The following SORCS1 variants were observed in gnomAD, a reference collection of about 807,000 sequenced individuals.
The protein encoded by SORCS1 is sortilin related VPS10 domain containing receptor 1.
A neutral mutation model predicts 146.1 loss-of-function variants in SORCS1; 60 were observed. The ratio of observed to expected loss-of-function variants is 0.41; its 90% CI spans 0.33 to 0.51. SORCS1 has a LOEUF of 0.51. Ranked by LOEUF, SORCS1 falls within the 20% of genes least tolerant of loss-of-function variation. SORCS1 has a pLI of 0.21. For missense variants in SORCS1, 1,352 were observed against 1,487.6 expected, an observed-to-expected ratio of 0.91 and a Z score of 1.50; for synonymous variants, 637 against 584.0, an observed-to-expected ratio of 1.09 and a Z score of -1.31.
At chr10:107,031,655 G>C (rs541003083) in intron 1 of SORCS1, among the ~76,000 whole-genome samples, 55 of 151,568 alleles carry the variant, frequency 3.6e-4, no homozygotes, top group Non-Finnish European at 6.8e-4. Flanking sequence ...CCAGGCTGGA[G>C]TGTAGTGACA....
In SORCS1 at chr10:106,867,203, C is replaced by T. The variant is rs533838813; in HGVS notation, c.627-37530G>A. On this transcript the variant is annotated intron_variant, in intron 2 of 25. Coordinates refer to ENST00000263054, the MANE Select transcript of SORCS1 (RefSeq NM_052918.5). ...GCAGCCAGAGAAAAAAGGTAGGTCA[C>T]CTACAAAGGGAATCCCATGAGGCTA... 1.3e-4 allele frequency among the ~76,000 whole-genome samples: 20 copies of T among 152,142 alleles called. No individual in the cohort carries two copies. The South Asian group carries it at 2.1e-3, about 16-fold the overall frequency.
At chr10:106,986,280 T>C (rs2139408847) in intron 1 of SORCS1, among the ~76,000 whole-genome samples, 1 of 152,104 alleles carries the variant, frequency 6.6e-6, no homozygotes, top group Middle Eastern at 3.4e-3. Context: ...ACAGCAAATA[T>C]ATATACAAAC....
intron 1 of SORCS1, among the ~76,000 whole-genome samples, chr10:106,989,126 T>C (rs985776188): frequency 6.7e-6 from 1 of 148,510 alleles, no homozygotes; most frequent in East Asian, 2.0e-4. Context: ...AAAAATTAGC[T>C]GGTCGTGGTG....
At chr10:106,963,292 T>A (rs1434855831) in intron 1 of SORCS1, among the ~76,000 whole-genome samples, 1 of 151,814 alleles carries the variant, frequency 6.6e-6, no homozygotes, top group Non-Finnish European at 1.5e-5. Flanking sequence ...ACTTTCCGTA[T>A]TTTTAGTAGA....
rs1208520786 is a variant in SORCS1, at chr10:106,667,335, A to G, written c.2303+354T>C. ...TATAAAACAGAAAATGCAAATATTA[A>G]ATATCTATTTGGCCTTCCTCATCAT... On this transcript the variant is annotated intron_variant, in intron 17 of 25. Transcript: ENST00000263054. 5 of 191,154 alleles carry G rather than the reference A, an allele frequency of 2.6e-5. No homozygotes were observed. In the Admixed American group the frequency reaches 2.7e-4, roughly 10 times the overall value. The allele number at this position is 191,154 out of a possible 1,614,324, so 11.8% of individuals were successfully genotyped here. A position where few individuals can be genotyped will look rare whatever the true frequency, so the allele number is the denominator to read the frequency against.
At chr10:106,975,937 C>T (rs1176399884) in intron 1 of SORCS1, among the ~76,000 whole-genome samples, 1 of 152,112 alleles carries the variant, frequency 6.6e-6, no homozygotes, top group African/African-American at 2.4e-5. Flanking sequence ...CACCTGAGGT[C>T]AGGAGTTCAA....
Position 106,925,476 on chromosome 10 carries a change from T to C in SORCS1, c.626+31037A>G, listed in dbSNP as rs114263532. ...AGCTTGAAATACAGAGGCTAAGAGG[T>C]GGCCCCTCCTGATGGTCTCAAGCTT... On this transcript the variant is annotated intron_variant, in intron 2 of 25. Transcript: ENST00000263054. 5.8e-3 allele frequency among the ~76,000 whole-genome samples: 886 copies of C among 152,262 alleles called. 11 individuals are homozygous for C. Among genetic ancestry groups the C allele is most frequent in the African/African-American group, 0.021 (855 of 41,564 alleles).
chr10:106,874,781 T>C (rs1279358525), intron 2 of SORCS1, among the ~76,000 whole-genome samples: 1 of 152,142 alleles, frequency 6.6e-6, no homozygotes, highest in African/African-American at 2.4e-5. Context: ...CGGTGATGAC[T>C]AGAAAGAGGC....
In SORCS1 at chr10:107,060,955, A is replaced by C. The variant is rs1011676040; in HGVS notation, c.558+103014T>G. ...AAATATCTTTTCCCTTTCTCTTTCC[A>C]AGTTAAATAAAAAAATTTATCTTCT... On this transcript the variant is annotated intron_variant, in intron 1 of 25. Coordinates refer to ENST00000263054, the MANE Select transcript of SORCS1 (RefSeq NM_052918.5). The surrounding 1 kb of genome is among the most constrained non-coding windows in gnomAD (Gnocchi z 4.1). Among the ~76,000 whole-genome samples the C allele has an allele frequency of 2.0e-5, 3 of 152,158 alleles. No individual in the cohort carries two copies. Among genetic ancestry groups the C allele is most frequent in the Non-Finnish European group, 4.4e-5 (3 of 68,032 alleles).
chr10:107,001,817 T>C (rs1006107716), intron 1 of SORCS1, among the ~76,000 whole-genome samples: 6 of 152,244 alleles, frequency 3.9e-5, no homozygotes, highest in African/African-American at 1.4e-4. Flanking sequence ...AACAGCTATT[T>C]ATTAAGCATC....
At chr10:106,801,532 T>G (rs1946873347) in intron 3 of SORCS1, among the ~76,000 whole-genome samples, 1 of 147,450 alleles carries the variant, frequency 6.8e-6, no homozygotes, top group Admixed American at 6.7e-5. Flanking sequence ...CCATTTTTTT[T>G]TTTTTTTTTT....
intron 17 of SORCS1, among the ~76,000 whole-genome samples, chr10:106,660,297 A>G (rs1850628246): frequency 2.0e-5 from 3 of 152,330 alleles, no homozygotes; most frequent in Middle Eastern, 6.8e-3. Context: ...ATACATATTT[A>G]TAAGGTACAG....
chr10:106,923,054 C>A (rs12360421), intron 2 of SORCS1, among the ~76,000 whole-genome samples: 54,106 of 151,876 alleles, frequency 0.36, 9,802 homozygotes, highest in Middle Eastern at 0.43. Context: ...CCACACCCAG[C>A]TAATTTTTGT....
At chr10:106,917,048 T>C (rs1373404836) in intron 2 of SORCS1, among the ~76,000 whole-genome samples, 2 of 152,142 alleles carry the variant, frequency 1.3e-5, no homozygotes, top group African/African-American at 2.4e-5. Context: ...CAGCCCACTT[T>C]CCAATTTTTC....
chr10:106,695,439 C>A (rs1455702510), intron 9 of SORCS1, among the ~76,000 whole-genome samples: 1 of 152,194 alleles, frequency 6.6e-6, no homozygotes, highest in Non-Finnish European at 1.5e-5. Context: ...AGCCCAGATG[C>A]TGATCCTTCA....
chr10:107,072,474 G>T (rs1056084436), intron 1 of SORCS1, among the ~76,000 whole-genome samples: 1 of 152,004 alleles, frequency 6.6e-6, no homozygotes, highest in African/African-American at 2.4e-5. Flanking sequence ...AGAGTGTAAC[G>T]ATTTAGTTAA....
At chr10:106,709,175 G>T in intron 7 of SORCS1, 48 bp downstream of exon 7, 1 of 1,437,962 alleles carries the variant, frequency 7.0e-7, no homozygotes, top group Non-Finnish European at 9.8e-7. Flanking sequence ...ACAGAAACAA[G>T]GAAAAGAAAG....
intron 2 of SORCS1, among the ~76,000 whole-genome samples, chr10:106,919,204 T>C (rs1952586930): frequency 6.6e-6 from 1 of 152,188 alleles, no homozygotes; most frequent in South Asian, 2.1e-4. Flanking sequence ...AAAGAGGTGA[T>C]GGTATGATAG....
At chr10:107,126,253 C>T (rs1168288243) in intron 1 of SORCS1, among the ~76,000 whole-genome samples, 3 of 151,950 alleles carry the variant, frequency 2.0e-5, no homozygotes, top group Non-Finnish European at 2.9e-5. Flanking sequence ...AACAACAAAG[C>T]ACTCTCCAAT....
Sources: gnomAD v4.1 joint callset for allele counts (sites outside exome capture counted in the v4.1 genomes callset) on GRCh38, gnomAD v4.1.1 for gene constraint, Gnocchi (gnomAD v3.1) non-coding constraint, MANE v1.5 for transcripts, NCBI Gene and HGNC (gene_info 2026-07-23, HGNC 2026-07-21) for gene names.